SUMF1: variants seen among roughly 807,000 people sequenced by gnomAD.
The protein encoded by SUMF1 is formylglycine-generating enzyme.
SUMF1 carries 48 observed loss-of-function variants against 47.6 expected under a neutral mutation model. That is an observed-to-expected ratio of 1.01 (90% CI 0.80 to 1.28). The LOEUF is 1.28. SUMF1 is among the 50% of genes most tolerant of loss of function. SUMF1 has a pLI of 0.00. For missense variants in SUMF1, 571 were observed against 485.4 expected (o/e 1.18, Z -1.66); for synonymous variants, 230 against 192.1 (o/e 1.20, Z -1.63).
intron 7 of SUMF1, among the ~76,000 whole-genome samples, chr3:4,404,283 A>C (rs926639975): frequency 4.6e-5 from 7 of 152,322 alleles, no homozygotes; most frequent in African/African-American, 1.7e-4. Context: ...CATAGTCCCA[A>C]AAGGCTGATA....
intron 8 of SUMF1, among the ~76,000 whole-genome samples, chr3:4,273,666 C>T (rs1050442649): frequency 2.4e-4 from 29 of 118,490 alleles, no homozygotes; most frequent in African/African-American, 4.9e-4. Flanking sequence ...AAATTATACT[C>T]AATAAAGCAG....
intron 8 of SUMF1, among the ~76,000 whole-genome samples, chr3:4,187,777 A>G (rs966689658): frequency 6.6e-6 from 1 of 152,116 alleles, no homozygotes; most frequent in African/African-American, 2.4e-5. Flanking sequence ...AATTTCTTCC[A>G]ATTTTGAATA....
chr3:4,316,439 G>C, intron 8 of SUMF1: 2 of 1,598,662 alleles, frequency 1.3e-6, no homozygotes. Flanking sequence ...ACAACGACCA[G>C]TTGAGAGCAA....
chr3:4,155,463 T>A (rs910281755), intron 8 of SUMF1, among the ~76,000 whole-genome samples: 1 of 151,420 alleles, frequency 6.6e-6, no homozygotes, highest in Middle Eastern at 3.2e-3. Context: ...CGTAGGAGCT[T>A]TGAAGCAAAA....
At chr3:4,390,546 T>A (rs1700827261) in intron 7 of SUMF1, among the ~76,000 whole-genome samples, 1 of 152,140 alleles carries the variant, frequency 6.6e-6, no homozygotes, top group African/African-American at 2.4e-5. Context: ...CATTTCTGGG[T>A]TGCTTGCTTC....
At chr3:4,380,450 G>A (rs755088990) in intron 7 of SUMF1, among the ~76,000 whole-genome samples, 26 of 152,062 alleles carry the variant, frequency 1.7e-4, no homozygotes, top group African/African-American at 3.6e-4. Context: ...AGAAGGATGC[G>A]GACTGAAAAA....
chr3:4,094,289 C>G (rs969971911), intron 8 of SUMF1, among the ~76,000 whole-genome samples: 1 of 151,896 alleles, frequency 6.6e-6, no homozygotes, highest in African/African-American at 2.4e-5. Flanking sequence ...TGGTATTTCT[C>G]CTGATAGGGT....
chr3:4,088,849 A>G (rs1028979013), intron 8 of SUMF1, among the ~76,000 whole-genome samples: 1 of 152,124 alleles, frequency 6.6e-6, no homozygotes, highest in Non-Finnish European at 1.5e-5. Flanking sequence ...TTCCAGAGAG[A>G]GAGAAATGGG....
chr3:4,170,255 A>C (rs1437923370), intron 8 of SUMF1, among the ~76,000 whole-genome samples: 2 of 152,196 alleles, frequency 1.3e-5, no homozygotes, highest in Non-Finnish European at 2.9e-5. Flanking sequence ...ACTGAACCCT[A>C]GAGTGGGAAA....
At chr3:4,254,815 G>A (rs1172176277) in intron 8 of SUMF1, among the ~76,000 whole-genome samples, 1 of 151,062 alleles carries the variant, frequency 6.6e-6, no homozygotes, top group Admixed American at 6.6e-5. Flanking sequence ...ATAATTGTCA[G>A]ATTCACCAAA....
At chr3:4,362,924 A>C (rs1699815105) in intron 8 of SUMF1, among the ~76,000 whole-genome samples, 2 of 152,080 alleles carry the variant, frequency 1.3e-5, no homozygotes, top group African/African-American at 4.8e-5. Flanking sequence ...CAAAAAAAGA[A>C]AAAAAAACAG....
chr3:4,072,782 GAA>G (rs746835411), intron 8 of SUMF1, among the ~76,000 whole-genome samples: 18 of 151,934 alleles, frequency 1.2e-4, no homozygotes, highest in Non-Finnish European at 1.8e-4. Flanking sequence ...CAAGATTAGA[GAA>G]AAAAAGAGTG....
intron 8 of SUMF1, among the ~76,000 whole-genome samples, chr3:4,291,198 A>G (rs1225427172): frequency 6.6e-6 from 1 of 152,210 alleles, no homozygotes; most frequent in Non-Finnish European, 1.5e-5. Context: ...TTGTTAAATG[A>G]CAATCAAGAA....
intron 8 of SUMF1, among the ~76,000 whole-genome samples, chr3:4,338,663 A>G (rs1017056069): frequency 6.6e-6 from 1 of 152,172 alleles, no homozygotes; most frequent in African/African-American, 2.4e-5. Context: ...CATAAGGGAA[A>G]AACCAAAACA....
intron 7 of SUMF1, among the ~76,000 whole-genome samples, chr3:4,379,348 T>C (rs1700426021): frequency 6.6e-6 from 1 of 152,092 alleles, no homozygotes; most frequent in Non-Finnish European, 1.5e-5. Flanking sequence ...CCTTATAAGA[T>C]GAGGAGAGGA....
rs1047441055 is a variant in SUMF1, at chr3:4,251,610, C to G, written c.1014+124720G>C. ...GTCTTAAGAAATTACCACAGCCACC[C>G]CAACTTTCAGTGACCTCCATCCTGG... On this transcript the variant is annotated intron_variant and NMD_transcript_variant, in intron 8 of 12. Coordinates refer to the SUMF1 transcript ENST00000448413. 3.3e-5 allele frequency among the ~76,000 whole-genome samples: 5 copies of G among 152,154 alleles called. No individual in the cohort carries two copies. The South Asian group carries it at 8.3e-4, about 25-fold the overall frequency.
At chr3:4,247,679 C>T (rs556780826) in intron 8 of SUMF1, among the ~76,000 whole-genome samples, 38 of 152,158 alleles carry the variant, frequency 2.5e-4, no homozygotes, top group African/African-American at 8.7e-4. Context: ...ACTGGAGGCA[C>T]AAATTTCAAT....
chr3:4,237,197 A>C (rs1485714290), intron 8 of SUMF1, among the ~76,000 whole-genome samples: 4 of 152,084 alleles, frequency 2.6e-5, no homozygotes, highest in African/African-American at 9.7e-5. Flanking sequence ...GTTTTACAAG[A>C]AGCTGCCAAA....
intron 1 of SUMF1, among the ~76,000 whole-genome samples, chr3:4,454,219 C>T (rs1226451869): frequency 6.6e-6 from 1 of 152,150 alleles, no homozygotes; most frequent in Non-Finnish European, 1.5e-5. Context: ...CACATGAACT[C>T]TAAACTCCAA....
Sources: gnomAD v4.1 joint callset for allele counts (sites outside exome capture counted in the v4.1 genomes callset) on GRCh38, gnomAD v4.1.1 for gene constraint, MANE v1.5 for transcripts, NCBI Gene and HGNC (gene_info 2026-07-23, HGNC 2026-07-21) for gene names.